The following ATRNL1 variants were observed in gnomAD, a reference collection of about 807,000 sequenced individuals.
The protein encoded by ATRNL1 is attractin-like protein 1.
ATRNL1 carries 95 observed loss-of-function variants against 182.7 expected under a neutral mutation model. The ratio of observed to expected loss-of-function variants is 0.52; its 90% CI spans 0.44 to 0.62. The LOEUF is 0.62. Ranked by LOEUF, ATRNL1 falls within the 20% of genes least tolerant of loss-of-function variation. The pLI is 0.00. For missense variants in ATRNL1, 1,471 were observed against 1,679.5 expected (o/e 0.88, Z 2.17); for synonymous variants, 576 against 568.3 (o/e 1.01, Z -0.19).
At chr10:115,750,341 A>C (rs1450966794) in intron 27 of ATRNL1, among the ~76,000 whole-genome samples, 2 of 151,918 alleles carry the variant, frequency 1.3e-5, no homozygotes, top group Non-Finnish European at 2.9e-5. Context: ...ATGGAAATTT[A>C]GTTGAAAAAT....
chr10:115,458,370 TTTTC>T (rs1284384011), intron 21 of ATRNL1, among the ~76,000 whole-genome samples: 1 of 152,134 alleles, frequency 6.6e-6, no homozygotes, highest in Non-Finnish European at 1.5e-5. Context: ...GAAGTCTAAA[TTTTC>T]TTTCTTTATA....
chr10:115,134,259 G>C (rs1845398710), intron 5 of ATRNL1, among the ~76,000 whole-genome samples: 1 of 151,946 alleles, frequency 6.6e-6, no homozygotes, highest in African/African-American at 2.4e-5. Flanking sequence ...CTGGTTTTTT[G>C]AAAAGATCAA....
At chr10:115,540,485 G>A (rs963686478) in intron 25 of ATRNL1, among the ~76,000 whole-genome samples, 1 of 152,080 alleles carries the variant, frequency 6.6e-6, no homozygotes. Context: ...GTGGAGGCCG[G>A]GCATGGTGGC....
At chr10:115,456,642 A>T (rs1398025937) in intron 21 of ATRNL1, among the ~76,000 whole-genome samples, 3 of 152,194 alleles carry the variant, frequency 2.0e-5, no homozygotes, top group South Asian at 2.1e-4. Flanking sequence ...ATAATAAAAA[A>T]ATAAATTTTT....
chr10:115,617,477 A>C (rs552767329), intron 26 of ATRNL1, among the ~76,000 whole-genome samples: 60 of 152,178 alleles, frequency 3.9e-4, no homozygotes, highest in African/African-American at 1.4e-3. Context: ...CTAGTGCCTC[A>C]GCCTCCCAAG....
intron 28 of ATRNL1, among the ~76,000 whole-genome samples, chr10:115,933,177 G>C (rs1252532325): frequency 1.3e-5 from 2 of 152,220 alleles, no homozygotes; most frequent in African/African-American, 4.8e-5. Context: ...CAACCAGGCT[G>C]TTCAGAGATT....
At chr10:115,734,002 T>C (rs1661872020) in intron 27 of ATRNL1, among the ~76,000 whole-genome samples, 2 of 152,172 alleles carry the variant, frequency 1.3e-5, no homozygotes, top group Non-Finnish European at 1.5e-5. Context: ...TTTTGCATTC[T>C]GTTTTTCTCA....
At chr10:115,518,764 A>G (rs1469405430) in intron 24 of ATRNL1, among the ~76,000 whole-genome samples, 1 of 151,976 alleles carries the variant, frequency 6.6e-6, no homozygotes, top group Non-Finnish European at 1.5e-5. Flanking sequence ...ATGGAGAACG[A>G]CTTCAACTTT....
At chr10:115,263,743 A>T (rs1451026270) in intron 10 of ATRNL1, among the ~76,000 whole-genome samples, 1 of 151,788 alleles carries the variant, frequency 6.6e-6, no homozygotes, top group Non-Finnish European at 1.5e-5. Context: ...TAACTCTAAC[A>T]TGTAAAATTG....
intron 28 of ATRNL1, among the ~76,000 whole-genome samples, chr10:115,853,330 T>A (rs1207160630): frequency 1.3e-5 from 2 of 152,218 alleles, no homozygotes; most frequent in Non-Finnish European, 2.9e-5. Flanking sequence ...CTTCCTAGCA[T>A]GTTTGAAAGA....
intron 19 of ATRNL1, among the ~76,000 whole-genome samples, chr10:115,372,208 G>T (rs1490002119): frequency 6.6e-6 from 1 of 152,054 alleles, no homozygotes; most frequent in Non-Finnish European, 1.5e-5. Flanking sequence ...TAAAAATCAG[G>T]TTACTTGTTT....
At chr10:115,385,940 A>G (rs1402603563) in intron 19 of ATRNL1, among the ~76,000 whole-genome samples, 1 of 152,188 alleles carries the variant, frequency 6.6e-6, no homozygotes, top group Non-Finnish European at 1.5e-5. Flanking sequence ...TAATGTCATT[A>G]CCAAACTTTC....
intron 18 of ATRNL1, among the ~76,000 whole-genome samples, chr10:115,329,629 A>G (rs150464099): frequency 6.6e-6 from 1 of 152,246 alleles, no homozygotes; most frequent in East Asian, 1.9e-4. Context: ...ATCAGTAAGT[A>G]TTGACCTCAT....
At chr10:115,869,521 T>C (rs1462518484) in intron 28 of ATRNL1, among the ~76,000 whole-genome samples, 1 of 152,150 alleles carries the variant, frequency 6.6e-6, no homozygotes, top group Non-Finnish European at 1.5e-5. Context: ...GGATATTCCT[T>C]CTGGGAAAGG....
chr10:115,276,576 A>G (rs1476847911), intron 13 of ATRNL1, among the ~76,000 whole-genome samples: 1 of 152,226 alleles, frequency 6.6e-6, no homozygotes, highest in East Asian at 1.9e-4. Flanking sequence ...TCTTGTGATT[A>G]AGCTAAACCA....
chr10:115,678,131 A>T (rs927761107), intron 26 of ATRNL1, among the ~76,000 whole-genome samples: 4 of 152,132 alleles, frequency 2.6e-5, no homozygotes, highest in Admixed American at 6.6e-5. Context: ...TATAACAGTA[A>T]ATAAGCATGA....
At chr10:115,297,011 C>T (rs1221026912) in intron 15 of ATRNL1, among the ~76,000 whole-genome samples, 4 of 152,248 alleles carry the variant, frequency 2.6e-5, no homozygotes, top group African/African-American at 7.2e-5. Flanking sequence ...AGGCATCTAA[C>T]GAGTAATGTG....
intron 26 of ATRNL1, among the ~76,000 whole-genome samples, chr10:115,706,562 C>T (rs1315749073): frequency 6.6e-6 from 1 of 151,760 alleles, no homozygotes; most frequent in Non-Finnish European, 1.5e-5. Context: ...CTTTAATTTC[C>T]CCCATGAATT....
At chr10:115,449,079 C>T (rs1247209807) in intron 21 of ATRNL1, among the ~76,000 whole-genome samples, 4 of 152,144 alleles carry the variant, frequency 2.6e-5, no homozygotes, top group Non-Finnish European at 4.4e-5. Context: ...TGGGAGGGCC[C>T]CACCCTCAAG....
Sources: allele counts gnomAD v4.1 joint callset (sites outside exome capture counted in the v4.1 genomes callset), GRCh38; gene constraint gnomAD v4.1.1; transcripts MANE v1.5; gene names NCBI Gene and HGNC (gene_info 2026-07-23, HGNC 2026-07-21).